Variants in IL12RB2 observed in about 807,000 individuals in gnomAD.
The protein encoded by IL12RB2 is interleukin-12 receptor subunit beta-2.
Under a neutral mutation model 89.4 loss-of-function variants are expected in IL12RB2, and 82 were observed. The observed-to-expected ratio is 0.92, with a 90% CI of 0.77 to 1.10. The LOEUF (loss-of-function observed/expected upper bound fraction) is 1.10. Ranked by LOEUF, IL12RB2 falls within the 50% of genes least tolerant of loss-of-function variation. The pLI, the probability that IL12RB2 is intolerant of heterozygous loss-of-function variation, is 0.00. For synonymous variants in IL12RB2, 368 were observed against 370.1 expected (o/e 0.99, Z 0.07); for missense variants, 963 against 1,031.9 (o/e 0.93, Z 0.92).
At chr1:67,352,414 G>A (rs575507937) in intron 10 of IL12RB2, among the ~76,000 whole-genome samples, 5 of 152,166 alleles carry the variant, frequency 3.3e-5, no homozygotes, top group African/African-American at 1.2e-4. Flanking sequence ...CCTTATGATG[G>A]AAATGGTCCA....
rs374877909 is a variant in IL12RB2, at chr1:67,326,826, C to T, written c.456C>T (p.His152=). ...ACTWERGRDT[H]LYTEYTLQLS... ...CCTGGGAAAGAGGACGAGACACCCACTTATACACTGAGTATACTCTACAGT... is the reference window on the plus strand; with the variant it reads ...CCTGGGAAAGAGGACGAGACACCCATTTATACACTGAGTATACTCTACAGT... Residue 152 remains histidine (H), a synonymous_variant, in exon 5 of 17, where the codon CAC becomes CAT. Transcript: ENST00000674203. 1 of 1,613,468 alleles carries T rather than the reference C, an allele frequency of 6.2e-7. No homozygotes were observed. The highest frequency in any genetic ancestry group is 8.5e-7 in the Non-Finnish European group (1 of 1,179,602).
intron 10 of IL12RB2, among the ~76,000 whole-genome samples, chr1:67,365,742 A>G (rs189385992): frequency 2.0e-5 from 3 of 152,282 alleles, no homozygotes; most frequent in Admixed American, 2.0e-4. Context: ...TGAAAAAAAA[A>G]CCTTTTGTTG....
intron 1 of IL12RB2, among the ~76,000 whole-genome samples, chr1:67,311,133 T>C (rs1655000162): frequency 6.6e-6 from 1 of 152,182 alleles, no homozygotes. Flanking sequence ...GACTTAGGTG[T>C]CCTGGGCGGA....
At chr1:67,357,486 G>GT (rs957287287) in intron 10 of IL12RB2, among the ~76,000 whole-genome samples, 15 of 152,058 alleles carry the variant, frequency 9.9e-5, no homozygotes, top group East Asian at 3.9e-4. Flanking sequence ...TAGCAAAAGT[G>GT]TTTTTTTTAA....
At chr1:67,384,262 C>T (rs1025351712) in intron 14 of IL12RB2, among the ~76,000 whole-genome samples, 7 of 152,258 alleles carry the variant, frequency 4.6e-5, no homozygotes, top group Non-Finnish European at 4.4e-5. Flanking sequence ...GAACTCTTGA[C>T]CTCTGCACAC....
intron 1 of IL12RB2, among the ~76,000 whole-genome samples, chr1:67,312,048 G>A (rs974267391): frequency 6.6e-6 from 1 of 152,114 alleles, no homozygotes; most frequent in Non-Finnish European, 1.5e-5. Context: ...AATACACTAA[G>A]GAAGAAAAGT....
chr1:67,383,710 C>T (rs918008994), intron 14 of IL12RB2, among the ~76,000 whole-genome samples: 11 of 152,202 alleles, frequency 7.2e-5, no homozygotes, highest in African/African-American at 2.7e-4. Flanking sequence ...CCAAAATGAT[C>T]TCCTGCCTAG....
intron 10 of IL12RB2, among the ~76,000 whole-genome samples, chr1:67,351,926 CA>C (rs1486684832): frequency 6.6e-6 from 1 of 152,058 alleles, no homozygotes; most frequent in African/African-American, 2.4e-5. Flanking sequence ...GGCCTAACTT[CA>C]AAAAATGCCT....
At chr1:67,394,640 C>T (rs17129987) in intron 16 of IL12RB2, among the ~76,000 whole-genome samples, 3,312 of 152,250 alleles carry the variant, frequency 0.022, 69 homozygotes, top group Admixed American at 0.055. Flanking sequence ...TGAAACCTTT[C>T]GGTAGTTCTC....
At chr1:67,357,174 T>G (rs750073477) in intron 10 of IL12RB2, among the ~76,000 whole-genome samples, 1 of 152,092 alleles carries the variant, frequency 6.6e-6, no homozygotes, top group Non-Finnish European at 1.5e-5. Flanking sequence ...CTGGCCAACA[T>G]GGCAAAACCC....
intron 16 of IL12RB2, among the ~76,000 whole-genome samples, chr1:67,391,703 C>A (rs1665851738): frequency 6.6e-6 from 1 of 151,464 alleles, no homozygotes; most frequent in South Asian, 2.1e-4. Flanking sequence ...GTGGCGCAAT[C>A]TCGGCTCACT....
rs1260121498 is a variant in IL12RB2, at chr1:67,361,166, T to C, written c.1259-6659T>C. 2.0e-5 allele frequency among the ~76,000 whole-genome samples: 3 copies of C among 152,188 alleles called. No homozygotes were observed. In the East Asian group the frequency reaches 5.8e-4, roughly 29 times the overall value. On this transcript the variant is annotated intron_variant, in intron 10 of 16. Coordinates refer to ENST00000674203, the MANE Select transcript of IL12RB2 (RefSeq NM_001374259.2). Reference sequence around the variant, plus strand: ...AATGCTTTCTTTCCCCCGACACCTTTCTACCACATTACTAAAAGCCCATTT... The same window carrying C: ...AATGCTTTCTTTCCCCCGACACCTTCCTACCACATTACTAAAAGCCCATTT...
In IL12RB2 at chr1:67,396,073, AC is replaced by A; in HGVS notation, c.2574del (p.Ser859ProfsTer7). The A allele has an allele frequency of 6.3e-7, 1 of 1,596,470 alleles. No homozygotes were observed. The highest frequency in any genetic ancestry group is 8.6e-7 in the Non-Finnish European group (1 of 1,164,072). On this transcript the variant is annotated frameshift_variant, in exon 17 of 17. Coordinates refer to ENST00000674203, the MANE Select transcript of IL12RB2 (RefSeq NM_001374259.2). LOFTEE classifies it high-confidence loss of function. ...LTLDQLKMRCDSLML is the reference protein window; with the variant it reads ...LTLDQLKMRCXSLML ...CTGGATCAGTTAAAGATGAGGTGTG[AC>A]TCCCTCATGCTCTGAGTGGTGAGGC...
At chr1:67,377,082 C>T (rs1340572489) in intron 13 of IL12RB2, among the ~76,000 whole-genome samples, 1 of 152,140 alleles carries the variant, frequency 6.6e-6, no homozygotes, top group Non-Finnish European at 1.5e-5. Context: ...TCTGCATGGG[C>T]CTCAACCCCT....
At chr1:67,382,353 T>A (rs1664693469) in intron 14 of IL12RB2, among the ~76,000 whole-genome samples, 1 of 152,204 alleles carries the variant, frequency 6.6e-6, no homozygotes, top group South Asian at 2.1e-4. Flanking sequence ...CTCCTCCTGC[T>A]CACTCTCCCT....
Position 67,396,379 on chromosome 1 carries a change from G to C in IL12RB2, c.*290G>C. On this transcript the variant is annotated 3_prime_UTR_variant, in exon 17 of 17. Coordinates refer to ENST00000674203, the MANE Select transcript of IL12RB2 (RefSeq NM_001374259.2). ...ACTTTCTTGGTATGCTGGCCAGAAAGGGAAATGAGGAGGAGAGTAGAAACC... is the reference window on the plus strand; with the variant it reads ...ACTTTCTTGGTATGCTGGCCAGAAACGGAAATGAGGAGGAGAGTAGAAACC... The C allele has an allele frequency of 1.9e-6, 1 of 513,694 alleles. No homozygotes were observed. The highest frequency in any genetic ancestry group is 3.6e-6 in the Non-Finnish European group (1 of 281,380). 31.8% of individuals were successfully genotyped at this position (513,694 alleles called of 1,614,324 possible).
intron 8 of IL12RB2, among the ~76,000 whole-genome samples, chr1:67,334,707 C>G (rs2100713481): frequency 6.6e-6 from 1 of 152,262 alleles, no homozygotes; most frequent in East Asian, 1.9e-4. Flanking sequence ...TCTCGATCTC[C>G]TGACCTTGGG....
intron 9 of IL12RB2, among the ~76,000 whole-genome samples, chr1:67,349,055 G>C (rs935626145): frequency 1.3e-5 from 2 of 152,146 alleles, no homozygotes; most frequent in Non-Finnish European, 2.9e-5. Context: ...CTATTTACTA[G>C]ACTGCTGTGA....
intron 10 of IL12RB2, among the ~76,000 whole-genome samples, chr1:67,352,577 G>T (rs545460138): frequency 3.3e-5 from 5 of 152,288 alleles, no homozygotes; most frequent in African/African-American, 9.6e-5. Flanking sequence ...CAGATGCAAA[G>T]GAGGCTCAAA....
Sources: gnomAD v4.1 joint callset for allele counts (sites outside exome capture counted in the v4.1 genomes callset) on GRCh38, gnomAD v4.1.1 for gene constraint, MANE v1.5 for transcripts, NCBI Gene and HGNC (gene_info 2026-07-23, HGNC 2026-07-21) for gene names.